Variants in LRP1B observed in about 807,000 individuals in gnomAD.
LRP1B encodes low-density lipoprotein receptor-related protein 1B.
A neutral mutation model predicts 556.6 loss-of-function variants in LRP1B; 217 were observed. That is an observed-to-expected ratio of 0.39 (90% confidence interval 0.35 to 0.44). The LOEUF is 0.44. Among genes scored for constraint, LRP1B ranks in the 20% least tolerant of loss-of-function variants. The pLI is 1.00. For missense variants in LRP1B, 5,053 were observed against 5,620.8 expected, an observed-to-expected ratio of 0.90 and a Z score of 3.23; for synonymous variants, 2,047 against 1,865.8, an observed-to-expected ratio of 1.10 and a Z score of -2.50.
At chr2:141,560,462 T>C (rs1686106919) in intron 2 of LRP1B, among the ~76,000 whole-genome samples, 1 of 151,730 alleles carries the variant, frequency 6.6e-6, no homozygotes, top group Admixed American at 6.6e-5. Flanking sequence ...TGCATTTTAT[T>C]CAACTTTTCC....
At chr2:140,417,989 G>A (rs898874588) in intron 66 of LRP1B, among the ~76,000 whole-genome samples, 1 of 152,164 alleles carries the variant, frequency 6.6e-6, no homozygotes, top group Non-Finnish European at 1.5e-5. Context: ...TTTGAGTTAT[G>A]AGAGCAACTT....
intron 2 of LRP1B, among the ~76,000 whole-genome samples, chr2:141,707,633 T>C (rs1692193145): frequency 1.3e-5 from 2 of 152,186 alleles, no homozygotes; most frequent in African/African-American, 2.4e-5. Context: ...TTATGTTCTT[T>C]GGTCAAAACA....
At chr2:140,704,884 G>C (rs1329444291) in intron 37 of LRP1B, among the ~76,000 whole-genome samples, 1 of 152,146 alleles carries the variant, frequency 6.6e-6, no homozygotes, top group East Asian at 1.9e-4. Context: ...TGAGTGAACA[G>C]ATCAAATAAG....
intron 41 of LRP1B, among the ~76,000 whole-genome samples, chr2:140,672,389 C>T (rs1293974522): frequency 1.3e-5 from 2 of 148,292 alleles, no homozygotes; most frequent in East Asian, 2.0e-4. Context: ...GAAGCTGAGG[C>T]AGGAGAATCG....
intron 2 of LRP1B, among the ~76,000 whole-genome samples, chr2:141,654,285 A>G (rs1005254567): frequency 6.6e-6 from 1 of 152,194 alleles, no homozygotes; most frequent in Non-Finnish European, 1.5e-5. Context: ...GACCCTTTGT[A>G]AAGTGTTTTA....
intron 2 of LRP1B, among the ~76,000 whole-genome samples, chr2:141,536,036 A>G (rs1685060011): frequency 6.6e-6 from 1 of 152,152 alleles, no homozygotes; most frequent in Non-Finnish European, 1.5e-5. Context: ...ATGTACATGC[A>G]AGATTGTTTA....
intron 2 of LRP1B, among the ~76,000 whole-genome samples, chr2:141,510,220 ACACACACACACACACC>A (rs1424582180): frequency 1.3e-5 from 2 of 150,760 alleles, no homozygotes; most frequent in East Asian, 3.9e-4. Flanking sequence ...ACACACACAC[ACACACACACACACACC>A]CCCCACAGTC....
chr2:140,545,004 G>A (rs1366730906), intron 43 of LRP1B, among the ~76,000 whole-genome samples: 2 of 151,948 alleles, frequency 1.3e-5, no homozygotes, highest in South Asian at 2.1e-4. Flanking sequence ...GGTGTGAGAT[G>A]GTATCTCATC....
intron 10 of LRP1B, among the ~76,000 whole-genome samples, chr2:141,052,076 G>C (rs892927547): frequency 1.1e-4 from 16 of 151,660 alleles, no homozygotes; most frequent in Non-Finnish European, 2.2e-4. Flanking sequence ...ATGGTTTTCT[G>C]TTTTCATCAT....
intron 2 of LRP1B, among the ~76,000 whole-genome samples, chr2:141,652,339 A>C (rs1444839563): frequency 6.6e-6 from 1 of 152,238 alleles, no homozygotes; most frequent in Non-Finnish European, 1.5e-5. Flanking sequence ...AGATAATTTT[A>C]TGATGGAGCT....
intron 7 of LRP1B, among the ~76,000 whole-genome samples, chr2:141,076,214 G>GA (rs1403723685): frequency 6.6e-6 from 1 of 152,136 alleles, no homozygotes; most frequent in African/African-American, 2.4e-5. Context: ...CTGGTGAAGG[G>GA]AAACAACTGT....
chr2:140,910,369 A>T (rs1342987359), intron 21 of LRP1B, among the ~76,000 whole-genome samples: 3 of 151,804 alleles, frequency 2.0e-5, no homozygotes, highest in Non-Finnish European at 4.4e-5. Flanking sequence ...ATAAAGCTGA[A>T]TCTCTACTTG....
At chr2:140,298,450 A>C (rs1356864302) in intron 83 of LRP1B, among the ~76,000 whole-genome samples, 1 of 152,196 alleles carries the variant, frequency 6.6e-6, no homozygotes, top group Non-Finnish European at 1.5e-5. Flanking sequence ...TCTTGTAATA[A>C]GTTTAAAGTA....
At chr2:141,020,906 C>A (rs1014554472) in intron 11 of LRP1B, among the ~76,000 whole-genome samples, 1 of 151,994 alleles carries the variant, frequency 6.6e-6, no homozygotes, top group South Asian at 2.1e-4. Context: ...AGCCTTATGA[C>A]CCACAGTGTG....
intron 3 of LRP1B, among the ~76,000 whole-genome samples, chr2:141,372,521 AG>A (rs1203522674): frequency 6.6e-6 from 1 of 151,776 alleles, no homozygotes; most frequent in African/African-American, 2.4e-5. Flanking sequence ...GGCGTTTTTT[AG>A]GGGTTAAGGG....
At chr2:140,651,865 G>T (rs1684701110) in intron 41 of LRP1B, among the ~76,000 whole-genome samples, 1 of 152,016 alleles carries the variant, frequency 6.6e-6, no homozygotes, top group East Asian at 1.9e-4. Flanking sequence ...GCCTTCCAGG[G>T]TAGAAATAAC....
At chr2:140,618,201 T>G (rs575441305) in intron 41 of LRP1B, among the ~76,000 whole-genome samples, 1 of 151,648 alleles carries the variant, frequency 6.6e-6, no homozygotes, top group Non-Finnish European at 1.5e-5. Context: ...ACACTTTGCT[T>G]AAAAAATAAG....
chr2:142,043,361 G>T (rs1290719257), intron 1 of LRP1B, among the ~76,000 whole-genome samples: 2 of 151,508 alleles, frequency 1.3e-5, no homozygotes, highest in Non-Finnish European at 3.0e-5. Context: ...TGATAGCAAT[G>T]ACTAGATTGT....
chr2:140,277,861 T>C (rs1358049169), intron 84 of LRP1B, among the ~76,000 whole-genome samples: 1 of 151,908 alleles, frequency 6.6e-6, no homozygotes, highest in Non-Finnish European at 1.5e-5. Context: ...CCTTATGACC[T>C]AGCACTTCCA....
Sources: gnomAD v4.1 joint callset for allele counts (sites outside exome capture counted in the v4.1 genomes callset) on GRCh38, gnomAD v4.1.1 for gene constraint, MANE v1.5 for transcripts, NCBI Gene and HGNC (gene_info 2026-07-23, HGNC 2026-07-21) for gene names.